Variants in ABHD18 observed in about 807,000 individuals in gnomAD.
ABHD18 encodes abhydrolase domain containing 18, also known as cardiolipin-specific deacylase, mitochondrial.
A neutral mutation model predicts 65.9 loss-of-function variants in ABHD18; 55 were observed. The observed-to-expected ratio is 0.84, with a 90% CI of 0.67 to 1.05. The LOEUF (loss-of-function observed/expected upper bound fraction) is 1.05. ABHD18 is among the 50% of genes least tolerant of loss of function. The pLI is 0.00. For synonymous variants in ABHD18, 181 were observed against 180.2 expected, an observed-to-expected ratio of 1.00 and a Z score of -0.04; for missense variants, 533 against 558.5, an observed-to-expected ratio of 0.95 and a Z score of 0.46.
rs70966065 is a variant in ABHD18 at position 127,966,702 on chromosome 4, C to CAAAAAAAAAAAAAAAAAAAA, written c.-18+1113_-18+1132dup. ...TGAAACCCCGTCTCTACTAAAAATA[C>CAAAAAAAAAAAAAAAAAAAA]AAAAAAAAAAAAAAAAAAAAAAAAA... is the stretch of plus-strand genomic sequence containing the variant. On this transcript the variant is annotated intron_variant, in intron 1 of 12. Coordinates refer to ENST00000645843, the MANE Select transcript of ABHD18 (RefSeq NM_001358451.3). Among the ~76,000 whole-genome samples the CAAAAAAAAAAAAAAAAAAAA allele has an allele frequency of 3.2e-4, 7 of 21,540 alleles. 2 individuals carry two copies. The highest frequency in any genetic ancestry group is 8.9e-4 in the African/African-American group (5 of 5,640). 14.1% of individuals were successfully genotyped at this position (21,540 alleles called of 152,430 possible). A position where few individuals can be genotyped will look rare whatever the true frequency, so the allele number is the denominator to read the frequency against.
chr4:128,005,122 GGGAGGATGAGGCA>G (rs1415714974), intron 4 of ABHD18, among the ~76,000 whole-genome samples: 1 of 152,148 alleles, frequency 6.6e-6, no homozygotes, highest in Non-Finnish European at 1.5e-5. Flanking sequence ...CCAGCTACTT[GGGAGGATGAGGCA>G]GGAGAATCAC....
intron 7 of ABHD18, 76 bp downstream of exon 7, chr4:128,011,776 G>T: frequency 4.7e-5 from 38 of 810,598 alleles, no homozygotes; most frequent in East Asian, 6.3e-5. Flanking sequence ...GTTGCCTTCA[G>T]TTAACCATTT....
intron 10 of ABHD18, 29 bp from the exon 11 acceptor site, chr4:128,028,443 AAAT>A: frequency 1.4e-6 from 2 of 1,416,280 alleles, no homozygotes; most frequent in Non-Finnish European, 1.8e-6. Context: ...ATTTTATATT[AAAT>A]AATGTTTTCT....
chr4:128,005,583 C>G (rs1431774172), intron 4 of ABHD18, among the ~76,000 whole-genome samples: 3 of 152,150 alleles, frequency 2.0e-5, no homozygotes, highest in African/African-American at 7.2e-5. Flanking sequence ...TTGCATTGGC[C>G]TCCTGAGTAG....
At chr4:128,034,009 A>G (rs1405144423) in intron 12 of ABHD18, among the ~76,000 whole-genome samples, 1 of 127,192 alleles carries the variant, frequency 7.9e-6, no homozygotes, top group Non-Finnish European at 1.6e-5. Context: ...CCTAGGCTGG[A>G]GTGCAGTGGC....
chr4:127,990,101 A>G (rs1750666665), intron 4 of ABHD18, among the ~76,000 whole-genome samples: 1 of 152,240 alleles, frequency 6.6e-6, no homozygotes, highest in Non-Finnish European at 1.5e-5. Context: ...TAACATGGAA[A>G]TATGGTCACA....
intron 6 of ABHD18, 29 bp downstream of exon 6, chr4:128,009,220 T>C (rs1166669496): frequency 7.6e-7 from 1 of 1,310,880 alleles, no homozygotes; most frequent in African/African-American, 1.5e-5. Flanking sequence ...TAAGAAATCT[T>C]TTGCCTTGTT....
At chr4:128,013,076 A>G (rs1307661169) in intron 7 of ABHD18, among the ~76,000 whole-genome samples, 1 of 151,362 alleles carries the variant, frequency 6.6e-6, no homozygotes, top group Admixed American at 6.6e-5. Context: ...AAAAAAAAAA[A>G]AAAAAAAAAA....
At chr4:128,034,740 TC>T (rs1274631269) in intron 12 of ABHD18, among the ~76,000 whole-genome samples, 3 of 152,016 alleles carry the variant, frequency 2.0e-5, no homozygotes. Flanking sequence ...AACCTCTGCC[TC>T]CCAGGTTCAA....
At chr4:127,984,578 C>T (rs1749633670) in intron 3 of ABHD18, among the ~76,000 whole-genome samples, 155 bp downstream of exon 3, 1 of 152,178 alleles carries the variant, frequency 6.6e-6, no homozygotes, top group Non-Finnish European at 1.5e-5. Context: ...TATTTGTGGG[C>T]CAGGTGTGGT....
At chr4:128,013,064 CA>C (rs1199459823) in intron 7 of ABHD18, among the ~76,000 whole-genome samples, 1,114 of 60,512 alleles carry the variant, frequency 0.018, 7 homozygotes, top group African/African-American at 0.045. Flanking sequence ...GACTCCATCC[CA>C]AAAAAAAAAA....
At chr4:127,989,557 C>T (rs770329399) in intron 3 of ABHD18, among the ~76,000 whole-genome samples, 164 bp from the exon 4 acceptor site, 16 of 152,180 alleles carry the variant, frequency 1.1e-4, no homozygotes, top group Non-Finnish European at 1.5e-4. Flanking sequence ...AATGATTATG[C>T]ACACAAAATA....
intron 4 of ABHD18, among the ~76,000 whole-genome samples, chr4:128,004,358 A>T (rs1753224946): frequency 6.6e-6 from 1 of 151,870 alleles, no homozygotes; most frequent in Admixed American, 6.6e-5. Flanking sequence ...AGGCTGAGGC[A>T]GGAAAATTGC....
chr4:128,002,147 C>T (rs1166119046), intron 4 of ABHD18, among the ~76,000 whole-genome samples: 1 of 152,020 alleles, frequency 6.6e-6, no homozygotes, highest in East Asian at 1.9e-4. Flanking sequence ...TGGTGGCAGG[C>T]ACCTGTAATC....
At chr4:128,000,914 G>T (rs1752537893) in intron 4 of ABHD18, among the ~76,000 whole-genome samples, 1 of 152,020 alleles carries the variant, frequency 6.6e-6, no homozygotes, top group Non-Finnish European at 1.5e-5. Context: ...AAATGAGATT[G>T]TGTTCTTGAT....
intron 1 of ABHD18, among the ~76,000 whole-genome samples, chr4:127,981,692 G>T (rs1242046647): frequency 2.0e-5 from 3 of 152,134 alleles, no homozygotes; most frequent in Non-Finnish European, 4.4e-5. Flanking sequence ...TTTATGTATA[G>T]TGGTAGACAC....
chr4:128,001,836 G>GTT lies in ABHD18; in HGVS notation c.279-7081_279-7080dup, dbSNP rs1015770046. The GTT allele has an allele frequency of 9.2e-6, 12 of 1,301,144 alleles. No homozygotes were observed. In the East Asian group the frequency reaches 1.5e-4, roughly 16 times the overall value. The allele number at this position is 1,301,144 out of a possible 1,614,324, so 80.6% of individuals were successfully genotyped here. A position where few individuals can be genotyped will look rare whatever the true frequency, so the allele number is the denominator to read the frequency against. On this transcript the variant is annotated intron_variant, in intron 4 of 12. Coordinates refer to ENST00000645843, the MANE Select transcript of ABHD18 (RefSeq NM_001358451.3). ...CCTTAGTGGTTAGATGTTGAGTTTT[G>GTT]TTTTGTTTTGTTTTTTTTTTTAATT...
At chr4:127,983,802 T>C (rs953936084) in intron 2 of ABHD18, among the ~76,000 whole-genome samples, 2 of 151,874 alleles carry the variant, frequency 1.3e-5, no homozygotes, top group Admixed American at 1.3e-4. Flanking sequence ...GAGGTGGAGG[T>C]TGCAGTGAGC....
At chr4:127,984,565 T>C in intron 3 of ABHD18, 142 bp downstream of exon 3, 1 of 497,526 alleles carries the variant, frequency 2.0e-6, no homozygotes, top group Non-Finnish European at 3.5e-6. Context: ...ATTTAAAGAA[T>C]ACTATTTGTG....
Sources: allele counts gnomAD v4.1 joint callset (sites outside exome capture counted in the v4.1 genomes callset), GRCh38; gene constraint gnomAD v4.1.1; transcripts MANE v1.5; gene names NCBI Gene and HGNC (gene_info 2026-07-23, HGNC 2026-07-21).